RNF125: variants seen among roughly 807,000 people sequenced by gnomAD.
RNF125 encodes E3 ubiquitin-protein ligase RNF125.
Under a neutral mutation model 26.0 loss-of-function variants are expected in RNF125, and 21 were observed. The observed-to-expected ratio is 0.81, with a 90% confidence interval of 0.57 to 1.16. RNF125 has a LOEUF of 1.16. Ranked by LOEUF, RNF125 falls within the 50% of genes most tolerant of loss-of-function variation. The pLI is 0.00. For synonymous variants in RNF125, 95 were observed against 109.2 expected (o/e 0.87, Z 0.81); for missense variants, 270 against 299.4 (o/e 0.90, Z 0.72).
chr18:32,075,035 C>T (rs117930139), downstream of RNF125, among the ~76,000 whole-genome samples: 56 of 152,192 alleles, frequency 3.7e-4, 2 homozygotes, highest in East Asian at 7.7e-3. Flanking sequence ...CCTTGTGTGC[C>T]GCCATCAGAA....
chr18:32,079,276 TCTC>T, the RNF125 span, among the ~76,000 whole-genome samples: 1 of 152,180 alleles, frequency 6.6e-6, no homozygotes, highest in African/African-American at 2.4e-5. Flanking sequence ...AGGGGATTAA[TCTC>T]CTCTGAGGGT....
intron 4 of RNF125, among the ~76,000 whole-genome samples, chr18:32,053,009 T>C (rs2144496640): frequency 6.6e-6 from 1 of 152,336 alleles, no homozygotes; most frequent in South Asian, 2.1e-4. Flanking sequence ...TATTTTCTAT[T>C]AAATATTAAA....
chr18:32,086,733 G>T, the RNF125 span, among the ~76,000 whole-genome samples: 2 of 152,110 alleles, frequency 1.3e-5, no homozygotes, highest in East Asian at 3.9e-4. Context: ...TGGTCAGGCT[G>T]GTCTCGAACT....
At chr18:32,055,319 A>G (rs1436764336) in intron 4 of RNF125, among the ~76,000 whole-genome samples, 2 of 149,276 alleles carry the variant, frequency 1.3e-5, no homozygotes, top group Non-Finnish European at 3.0e-5. Context: ...AAAAAAAAGA[A>G]ATTAGACCAA....
chr18:32,022,979 ATTAT>A (rs891148307), intron 1 of RNF125, among the ~76,000 whole-genome samples: 1 of 151,824 alleles, frequency 6.6e-6, no homozygotes, highest in African/African-American at 2.4e-5. Context: ...CTTTATTTTT[ATTAT>A]TTATTTATTT....
At chr18:32,042,316 G>A in intron 3 of RNF125, 43 bp downstream of exon 3, 1 of 1,222,704 alleles carries the variant, frequency 8.2e-7, no homozygotes, top group East Asian at 2.4e-5. Context: ...AATTGATAAT[G>A]TTTATAAAGA....
At chr18:32,021,118 T>C (rs769327904) in intron 1 of RNF125, among the ~76,000 whole-genome samples, 7 of 152,196 alleles carry the variant, frequency 4.6e-5, no homozygotes, top group Non-Finnish European at 1.0e-4. Context: ...TCTTGCTGTG[T>C]TGCCCAGGCT....
At chr18:32,028,919 G>T (rs1253420390) in intron 1 of RNF125, among the ~76,000 whole-genome samples, 1 of 152,110 alleles carries the variant, frequency 6.6e-6, no homozygotes, top group Non-Finnish European at 1.5e-5. Flanking sequence ...AAAATGGGGT[G>T]AGTAGTGCCA....
At chr18:32,080,186 G>A in the RNF125 span, among the ~76,000 whole-genome samples, 2 of 152,018 alleles carry the variant, frequency 1.3e-5, no homozygotes, top group East Asian at 1.9e-4. Flanking sequence ...GCGCCACCAC[G>A]CCCAGCTAAT....
At chr18:32,037,347 G>T in intron 2 of RNF125, 78 bp downstream of exon 2, 11 of 663,800 alleles carry the variant, frequency 1.7e-5, no homozygotes, top group Non-Finnish European at 2.6e-5. Context: ...CTCTGCTTCT[G>T]ACCCCATGGT....
chr18:32,039,779 T>TC (rs1264666496), intron 2 of RNF125, among the ~76,000 whole-genome samples: 2 of 145,678 alleles, frequency 1.4e-5, no homozygotes, highest in Non-Finnish European at 1.5e-5. Flanking sequence ...TTGAGATACT[T>TC]TTTTTTTTTT....
chr18:32,025,689 G>A (rs200756715), intron 1 of RNF125, among the ~76,000 whole-genome samples: 6 of 130,388 alleles, frequency 4.6e-5, no homozygotes, highest in Admixed American at 1.5e-4. Flanking sequence ...AAAAAAAAAA[G>A]AAGACAGAGG....
intron 1 of RNF125, among the ~76,000 whole-genome samples, chr18:32,028,237 G>T (rs1025571007): frequency 1.4e-5 from 2 of 146,090 alleles, no homozygotes; most frequent in Non-Finnish European, 3.0e-5. Flanking sequence ...GGCAGAGCTT[G>T]CAGTGAGCCG....
chr18:32,076,970 A>C (rs950858329), downstream of RNF125, among the ~76,000 whole-genome samples: 1 of 152,146 alleles, frequency 6.6e-6, no homozygotes, highest in Non-Finnish European at 1.5e-5. Context: ...TGTCTCCATA[A>C]CTGTACTAGA....
the RNF125 span, among the ~76,000 whole-genome samples, chr18:32,080,780 T>C: frequency 1.4e-5 from 2 of 147,658 alleles, no homozygotes; most frequent in Admixed American, 6.6e-5. Context: ...TCCCAGCTAC[T>C]CGGGAGAATG....
the RNF125 span, among the ~76,000 whole-genome samples, chr18:32,084,349 T>C: frequency 1.3e-5 from 2 of 151,952 alleles, no homozygotes; most frequent in Non-Finnish European, 2.9e-5. Flanking sequence ...AGCAAGACTA[T>C]GTCTCCAAAC....
chr18:32,073,593 C>T (rs2039550557), downstream of RNF125, among the ~76,000 whole-genome samples: 1 of 152,216 alleles, frequency 6.6e-6, no homozygotes, highest in Non-Finnish European at 1.5e-5. Flanking sequence ...AGAGGCTTCA[C>T]TGAAATTTAA....
chr18:32,055,293 T>C (rs2039369423), intron 4 of RNF125, among the ~76,000 whole-genome samples: 1 of 94,012 alleles, frequency 1.1e-5, no homozygotes, highest in Non-Finnish European at 2.3e-5. Flanking sequence ...AAGGAGACCA[T>C]GTCTCTAAAA....
chr18:32,073,284 A>G (rs1293806953), downstream of RNF125: 3 of 152,228 alleles, frequency 2.0e-5, no homozygotes, highest in Non-Finnish European at 2.9e-5. Context: ...AGCAACATCT[A>G]TCACAAAGGT....
Sources: allele counts gnomAD v4.1 joint callset (sites outside exome capture counted in the v4.1 genomes callset), GRCh38; gene constraint gnomAD v4.1.1; transcripts MANE v1.5; gene names NCBI Gene and HGNC (gene_info 2026-07-23, HGNC 2026-07-21).